Variants in ACTL8 observed in about 807,000 individuals in gnomAD.
ACTL8 encodes the protein actin like 8, also known as actin-like protein 8.
Under a neutral mutation model 9.3 loss-of-function variants are expected in ACTL8, and 3 were observed. The ratio of observed to expected loss-of-function variants is 0.32; its 90% CI spans 0.15 to 0.83. ACTL8 has a LOEUF of 0.83. Ranked by LOEUF, ACTL8 falls within the 40% of genes least tolerant of loss-of-function variation. The probability of loss-of-function intolerance (pLI) is 0.57; values close to 1 mark genes in which losing one functional copy is unlikely to be tolerated. For synonymous variants in ACTL8, 224 were observed against 205.9 expected (o/e 1.09, Z -0.75); for missense variants, 381 against 492.2 (o/e 0.77, Z 2.14).
intron 1 of ACTL8, among the ~76,000 whole-genome samples, chr1:17,799,796 T>C (rs72648490): frequency 0.1 from 15,298 of 152,102 alleles, 878 homozygotes; most frequent in Admixed American, 0.16. Context: ...ACAACCTCGT[T>C]TTTCTCTGTA....
intron 2 of ACTL8, among the ~76,000 whole-genome samples, chr1:17,824,541 T>C (rs2053697066): frequency 6.6e-6 from 1 of 152,240 alleles, no homozygotes; most frequent in Non-Finnish European, 1.5e-5. Flanking sequence ...TATTTACTAT[T>C]GTAGGTTTAC....
At chr1:17,808,276 T>A (rs568714415) in intron 1 of ACTL8, among the ~76,000 whole-genome samples, 1 of 152,330 alleles carries the variant, frequency 6.6e-6, no homozygotes. Context: ...AGGAGGCAGA[T>A]GGCAATAAGA....
At position 17,787,563 on chromosome 1, in the gene ACTL8, G is replaced by A. The variant is rs112196854; in HGVS notation, c.-25+32059G>A. Among the ~76,000 whole-genome samples the A allele has an allele frequency of 6.3e-3, 953 of 152,256 alleles. 12 individuals carry two copies. Among genetic ancestry groups the A allele is most frequent in the African/African-American group, 0.02 (817 of 41,536 alleles). ...GGATTACAGGCGTGAGCCACACCGC[G>A]CCAGGCCTCTAGTGCATTCTTTTAA... On this transcript the variant is annotated intron_variant, in intron 1 of 2. Transcript: ENST00000375406.
chr1:17,762,084 A>G (rs572519216), intron 1 of ACTL8, among the ~76,000 whole-genome samples: 1 of 152,034 alleles, frequency 6.6e-6, no homozygotes, highest in East Asian at 1.9e-4. Context: ...TGAGAACAAG[A>G]CCACTTGGGA....
chr1:17,825,085 G>T (rs538608732), intron 2 of ACTL8, among the ~76,000 whole-genome samples: 2 of 135,888 alleles, frequency 1.5e-5, no homozygotes, highest in Non-Finnish European at 1.6e-5. Flanking sequence ...GGGGCAGGGG[G>T]GCTTTGTAAA....
At chr1:17,755,798 A>T (rs1242259154) in intron 1 of ACTL8, among the ~76,000 whole-genome samples, 1 of 151,282 alleles carries the variant, frequency 6.6e-6, no homozygotes, top group African/African-American at 2.4e-5. Flanking sequence ...TGGGGGCCCA[A>T]GCTTAGCCCC....
intron 1 of ACTL8, among the ~76,000 whole-genome samples, chr1:17,773,187 G>A (rs1291285802): frequency 1.3e-5 from 2 of 152,200 alleles, no homozygotes; most frequent in African/African-American, 2.4e-5. Flanking sequence ...TTTAGGAGAA[G>A]CAGAGCTTTT....
chr1:17,782,497 G>T (rs964311398), intron 1 of ACTL8, among the ~76,000 whole-genome samples: 1 of 152,122 alleles, frequency 6.6e-6, no homozygotes, highest in Admixed American at 6.5e-5. Context: ...AGATCGCCAC[G>T]GCGGCCACCT....
intron 1 of ACTL8, among the ~76,000 whole-genome samples, chr1:17,820,746 T>C (rs2053653454): frequency 6.6e-6 from 1 of 152,056 alleles, no homozygotes; most frequent in South Asian, 2.1e-4. Flanking sequence ...TTTTTTTGTT[T>C]TTGTATTTTT....
chr1:17,804,704 C>A (rs1259321098), intron 1 of ACTL8, among the ~76,000 whole-genome samples: 1 of 151,908 alleles, frequency 6.6e-6, no homozygotes, highest in Non-Finnish European at 1.5e-5. Context: ...GCAACCTCTG[C>A]CTCCTGGGTT....
At chr1:17,776,266 C>T (rs2066117425) in intron 1 of ACTL8, among the ~76,000 whole-genome samples, 2 of 152,228 alleles carry the variant, frequency 1.3e-5, no homozygotes, top group African/African-American at 4.8e-5. Context: ...GCTTTGGTGA[C>T]AGCTGTCCTC....
chr1:17,818,489 G>A (rs997239738), intron 1 of ACTL8, among the ~76,000 whole-genome samples: 2 of 152,162 alleles, frequency 1.3e-5, no homozygotes, highest in African/African-American at 4.8e-5. Context: ...GGCTTGCAAG[G>A]CCCTTCTCAG....
At chr1:17,758,152 T>G (rs2065979492) in intron 1 of ACTL8, among the ~76,000 whole-genome samples, 1 of 152,170 alleles carries the variant, frequency 6.6e-6, no homozygotes, top group South Asian at 2.1e-4. Flanking sequence ...AGAGGCTGCC[T>G]CCATTGAGAT....
chr1:17,756,837 G>A (rs2065971856), intron 1 of ACTL8, among the ~76,000 whole-genome samples: 1 of 152,224 alleles, frequency 6.6e-6, no homozygotes, highest in Non-Finnish European at 1.5e-5. Context: ...AGGCACGTCT[G>A]TTGGGAGCCA....
Position 17,826,522 on chromosome 1 carries a change from C to G in ACTL8, c.*3C>G. The G allele has an allele frequency of 6.5e-7, 1 of 1,543,710 alleles. No individual in the cohort carries two copies. Among genetic ancestry groups the G allele is most frequent in the Non-Finnish European group, 8.8e-7 (1 of 1,139,966 alleles). ...ATGGTGAGCATATGAGGATGTGACC[C>G]TACTGGCTCACTCCTGAGAATGGGC... On this transcript the variant is annotated 3_prime_UTR_variant, in exon 3 of 3. Transcript: ENST00000375406. This position sits in a 1 kb window ranked among gnomAD's most constrained non-coding sequence, Gnocchi z 4.5.
chr1:17,762,438 G>C (rs1322292830), intron 1 of ACTL8, among the ~76,000 whole-genome samples: 6 of 152,250 alleles, frequency 3.9e-5, no homozygotes, highest in East Asian at 3.9e-4. Flanking sequence ...AGGTGCTGTG[G>C]CTACGCTTTC....
At chr1:17,755,710 C>T (rs905686435) in intron 1 of ACTL8, among the ~76,000 whole-genome samples, 2 of 152,134 alleles carry the variant, frequency 1.3e-5, no homozygotes, top group African/African-American at 4.8e-5. Context: ...TCCTTAGGGA[C>T]TTGATTTCAG....
intron 1 of ACTL8, among the ~76,000 whole-genome samples, chr1:17,808,572 G>C (rs1272950269): frequency 6.6e-6 from 1 of 152,192 alleles, no homozygotes; most frequent in Non-Finnish European, 1.5e-5. Context: ...AACTGGCAAT[G>C]ATACTATGCC....
chr1:17,759,355 CGCT>C (rs1378914674), intron 1 of ACTL8, among the ~76,000 whole-genome samples: 13 of 152,212 alleles, frequency 8.5e-5, no homozygotes, highest in African/African-American at 2.9e-4. Context: ...CAGCACGTGC[CGCT>C]CAGTGCTGGC....
Sources: gnomAD v4.1 joint callset for allele counts (sites outside exome capture counted in the v4.1 genomes callset) on GRCh38, gnomAD v4.1.1 for gene constraint, Gnocchi (gnomAD v3.1) non-coding constraint, MANE v1.5 for transcripts, NCBI Gene and HGNC (gene_info 2026-07-23, HGNC 2026-07-21) for gene names.